SPIDR: variants seen among roughly 807,000 people sequenced by gnomAD.
SPIDR encodes the protein DNA repair-scaffolding protein.
Under a neutral mutation model 104.6 loss-of-function variants are expected in SPIDR, and 93 were observed. The observed-to-expected ratio is 0.89, with a 90% CI of 0.75 to 1.06. SPIDR has a LOEUF of 1.06. SPIDR is among the 50% of genes least tolerant of loss of function. SPIDR has a pLI of 0.00. For missense variants in SPIDR, 1,154 were observed against 1,111.2 expected, an observed-to-expected ratio of 1.04 and a Z score of -0.55; for synonymous variants, 431 against 416.9, an observed-to-expected ratio of 1.03 and a Z score of -0.41.
intron 8 of SPIDR, among the ~76,000 whole-genome samples, chr8:47,521,778 T>G (rs2084151623): frequency 6.6e-6 from 1 of 152,150 alleles, no homozygotes; most frequent in African/African-American, 2.4e-5. Context: ...AGATCCATTT[T>G]GCATTTGGAA....
chr8:47,284,149 T>A (rs1235292734), intron 3 of SPIDR, 55 bp downstream of exon 3: 1 of 1,425,664 alleles, frequency 7.0e-7, no homozygotes, highest in African/African-American at 1.4e-5. Flanking sequence ...TAAATCCTTC[T>A]GTGATTATTT....
At chr8:47,289,925 A>G (rs2039589842) in intron 3 of SPIDR, among the ~76,000 whole-genome samples, 1 of 152,224 alleles carries the variant, frequency 6.6e-6, no homozygotes, top group South Asian at 2.1e-4. Context: ...ACTATTCAGT[A>G]ATAAAAAGAA....
chr8:47,667,853 A>C (rs1253948460), intron 10 of SPIDR: 1 of 152,232 alleles, frequency 6.6e-6, no homozygotes, highest in Non-Finnish European at 1.5e-5. Flanking sequence ...ATGACATGCA[A>C]ATTCATGAAG....
chr8:47,293,413 A>G (rs1029941450), intron 4 of SPIDR, among the ~76,000 whole-genome samples: 1 of 152,162 alleles, frequency 6.6e-6, no homozygotes, highest in African/African-American at 2.4e-5. Context: ...TGGGAGAAAC[A>G]GTGATTTGAG....
rs1554658852 is a variant in SPIDR at position 47,396,734 on chromosome 8, C to G, written c.776+108C>G. ...ATACTTGTATATGAAGTCCTAAATT[C>G]TGGAGCTGATTAATGGAATGTTCAT... On this transcript the variant is annotated intron_variant, in intron 6 of 19. Coordinates refer to ENST00000297423, the MANE Select transcript of SPIDR (RefSeq NM_001080394.4). 3 of 1,168,184 alleles carry G rather than the reference C, an allele frequency of 2.6e-6. No homozygotes were observed. In the African/African-American group the frequency reaches 4.7e-5, roughly 18 times the overall value. 72.4% of individuals were successfully genotyped at this position (1,168,184 alleles called of 1,614,324 possible).
At chr8:47,361,941 T>C (rs1395963053) in intron 5 of SPIDR, among the ~76,000 whole-genome samples, 1 of 152,212 alleles carries the variant, frequency 6.6e-6, no homozygotes, top group Non-Finnish European at 1.5e-5. Context: ...CCTTTTGGTA[T>C]AATTGTCCAG....
intron 8 of SPIDR, among the ~76,000 whole-genome samples, chr8:47,449,229 T>G (rs1293481730): frequency 6.6e-6 from 1 of 152,152 alleles, no homozygotes; most frequent in African/African-American, 2.4e-5. Context: ...AACTAAGTCT[T>G]TGGCTTGAGC....
chr8:47,555,672 T>C (rs910081245), intron 8 of SPIDR, among the ~76,000 whole-genome samples: 28 of 152,188 alleles, frequency 1.8e-4, no homozygotes, highest in African/African-American at 6.8e-4. Context: ...TTGCACTGTA[T>C]GATGTGGCTT....
At chr8:47,312,896 G>T (rs1169636994) in intron 5 of SPIDR, among the ~76,000 whole-genome samples, 2 of 152,120 alleles carry the variant, frequency 1.3e-5, no homozygotes. Context: ...ATTAATTTGT[G>T]TATAAGGTGT....
chr8:47,384,655 T>C (rs542865057), intron 5 of SPIDR, among the ~76,000 whole-genome samples: 31 of 152,348 alleles, frequency 2.0e-4, no homozygotes, highest in Non-Finnish European at 4.1e-4. Context: ...CGGTTCGCTC[T>C]GAGCAGCAGC....
chr8:47,399,366 C>T (rs1353830354), intron 6 of SPIDR, among the ~76,000 whole-genome samples: 3 of 152,154 alleles, frequency 2.0e-5, no homozygotes, highest in Non-Finnish European at 2.9e-5. Flanking sequence ...AGGCCATCCA[C>T]GGACAGCTGG....
chr8:47,528,950 TAAAAC>T (rs948355461), intron 8 of SPIDR, among the ~76,000 whole-genome samples: 1 of 151,838 alleles, frequency 6.6e-6, no homozygotes, highest in African/African-American at 2.4e-5. Context: ...ACAGGATAAA[TAAAAC>T]AAAATCTACG....
chr8:47,478,141 C>T (rs542734502), intron 8 of SPIDR, among the ~76,000 whole-genome samples: 2 of 152,144 alleles, frequency 1.3e-5, no homozygotes, highest in Non-Finnish European at 2.9e-5. Flanking sequence ...CCAGAGGACA[C>T]GCATCAGGTC....
chr8:47,521,211 C>G (rs2084022903), intron 8 of SPIDR, among the ~76,000 whole-genome samples: 1 of 152,198 alleles, frequency 6.6e-6, no homozygotes, highest in South Asian at 2.1e-4. Context: ...CAACCTCATT[C>G]AGTTTTACCA....
chr8:47,536,491 T>C (rs1286681224), intron 8 of SPIDR, among the ~76,000 whole-genome samples: 1 of 152,154 alleles, frequency 6.6e-6, no homozygotes, highest in East Asian at 1.9e-4. Context: ...CAACTGATCT[T>C]TGACAAAGAA....
At chr8:47,551,020 A>G (rs1352462295) in intron 8 of SPIDR, among the ~76,000 whole-genome samples, 1 of 152,140 alleles carries the variant, frequency 6.6e-6, no homozygotes, top group Non-Finnish European at 1.5e-5. Context: ...GCATCTATTG[A>G]GATAATCATG....
At chr8:47,480,314 ATTGT>A (rs1416291055) in intron 8 of SPIDR, among the ~76,000 whole-genome samples, 1 of 152,224 alleles carries the variant, frequency 6.6e-6, no homozygotes, top group Non-Finnish European at 1.5e-5. Flanking sequence ...TGTTCATGGA[ATTGT>A]TTAAAAGCTA....
chr8:47,534,850 GA>G (rs533042834), intron 8 of SPIDR, among the ~76,000 whole-genome samples: 2 of 148,550 alleles, frequency 1.3e-5, no homozygotes, highest in South Asian at 2.1e-4. Flanking sequence ...AAAATCAACA[GA>G]AAAAAAAAGC....
chr8:47,450,732 A>G (rs1472476277), intron 8 of SPIDR, among the ~76,000 whole-genome samples: 1 of 152,210 alleles, frequency 6.6e-6, no homozygotes, highest in Admixed American at 6.5e-5. Flanking sequence ...GAGAAGAGTG[A>G]TGTCATGAAA....
Sources: gnomAD v4.1 joint callset for allele counts (sites outside exome capture counted in the v4.1 genomes callset) on GRCh38, gnomAD v4.1.1 for gene constraint, MANE v1.5 for transcripts, NCBI Gene and HGNC (gene_info 2026-07-23, HGNC 2026-07-21) for gene names.